The following PARD3B variants were observed in gnomAD, a reference collection of about 807,000 sequenced individuals.
PARD3B encodes the protein partitioning defective 3 homolog B.
PARD3B carries 103 observed loss-of-function variants against 130.2 expected under a neutral mutation model. The observed-to-expected ratio is 0.79, with a 90% CI of 0.67 to 0.93. The LOEUF is 0.93. Among genes scored for constraint, PARD3B ranks in the 40% least tolerant of loss-of-function variants. The pLI, the probability that PARD3B is intolerant of heterozygous loss-of-function variation, is 0.00. For synonymous variants in PARD3B, 583 were observed against 553.2 expected (o/e 1.05, Z -0.76); for missense variants, 1,609 against 1,499.2 (o/e 1.07, Z -1.21).
chr2:204,860,182 A>C (rs2045124518), intron 2 of PARD3B, among the ~76,000 whole-genome samples: 1 of 152,228 alleles, frequency 6.6e-6, no homozygotes, highest in African/African-American at 2.4e-5. Context: ...GACTGATTAT[A>C]TTAACATTCT....
rs2042485117 is a variant in PARD3B at position 204,799,394 on chromosome 2, G to C, written c.222+113112G>C. ...TAGATTCCTAAGGTTTCTGACTCCA[G>C]GTGCTGGCTTCTGGACAGCATTCCT... On this transcript the variant is annotated intron_variant, in intron 2 of 22. Coordinates refer to ENST00000406610, the MANE Select transcript of PARD3B (RefSeq NM_001302769.2). This position sits in a 1 kb window ranked among gnomAD's most constrained non-coding sequence, Gnocchi z 4.1. Among the ~76,000 whole-genome samples the C allele has an allele frequency of 6.6e-6, 1 of 152,192 alleles. No individual in the cohort carries two copies. Among genetic ancestry groups the C allele is most frequent in the South Asian group, 2.1e-4 (1 of 4,822 alleles).
rs544726367 is a variant in PARD3B, at chr2:205,143,942, A to C, written c.1435-14780A>C. Among the ~76,000 whole-genome samples the C allele has an allele frequency of 5.9e-5, 9 of 152,334 alleles. No individual in the cohort carries two copies. In the South Asian group the frequency reaches 1.9e-3, roughly 32 times the overall value. ...CTATAATATATCATTAACCCTTGAT[A>C]GGTCCCATGTGTTCCACCCTCCTCC... On this transcript the variant is annotated intron_variant, in intron 10 of 22. Coordinates refer to ENST00000406610, the MANE Select transcript of PARD3B (RefSeq NM_001302769.2).
At chr2:204,652,895 TAC>T (rs1172121387) in intron 1 of PARD3B, among the ~76,000 whole-genome samples, 18 of 151,052 alleles carry the variant, frequency 1.2e-4, no homozygotes, top group African/African-American at 3.7e-4. Context: ...GGGGAAGTGC[TAC>T]ACAGTTTCGA....
chr2:205,144,579 G>A (rs1309067572), intron 10 of PARD3B, among the ~76,000 whole-genome samples: 1 of 152,134 alleles, frequency 6.6e-6, no homozygotes, highest in African/African-American at 2.4e-5. Context: ...TTTATAGTCA[G>A]TTGTATCTGA....
rs954224323 is a variant in PARD3B, at chr2:204,887,822, G to T, written c.223-77330G>T. On this transcript the variant is annotated intron_variant, in intron 2 of 22. Coordinates refer to ENST00000406610, the MANE Select transcript of PARD3B (RefSeq NM_001302769.2). This position sits in a 1 kb window ranked among gnomAD's most constrained non-coding sequence, Gnocchi z 4.2. ...TACCAGAGGCATACGACCAGACAGT[G>T]CATGGTGCAATGCCAGAAGTTGACA... 1.1e-4 allele frequency among the ~76,000 whole-genome samples: 16 copies of T among 152,280 alleles called. No individual in the cohort carries two copies. The highest frequency in any genetic ancestry group is 1.6e-4 in the Non-Finnish European group (11 of 68,026).
intron 2 of PARD3B, among the ~76,000 whole-genome samples, chr2:204,817,190 G>A (rs1297584607): frequency 1.3e-5 from 2 of 151,012 alleles, no homozygotes; most frequent in Non-Finnish European, 2.9e-5. Context: ...TTCTGCGTCA[G>A]TTTTGATTGA....
At chr2:205,444,542 T>G (rs1322325391) in intron 20 of PARD3B, among the ~76,000 whole-genome samples, 2 of 152,138 alleles carry the variant, frequency 1.3e-5, no homozygotes, top group African/African-American at 4.8e-5. Context: ...AAGTGTGTAG[T>G]GGGTTTTGAT....
At chr2:205,552,962 C>G (rs1374133609) in intron 21 of PARD3B, among the ~76,000 whole-genome samples, 1 of 152,086 alleles carries the variant, frequency 6.6e-6, no homozygotes, top group Admixed American at 6.5e-5. Context: ...AGTCTCTATA[C>G]TACCTGTTCA....
intron 19 of PARD3B, among the ~76,000 whole-genome samples, chr2:205,403,949 A>G (rs1421562714): frequency 4.8e-5 from 2 of 41,748 alleles, no homozygotes; most frequent in Non-Finnish European, 3.1e-4. Flanking sequence ...GCCAGTGCTC[A>G]CTCAATTAAG....
chr2:204,756,106 A>C (rs969455345), intron 2 of PARD3B, among the ~76,000 whole-genome samples: 2 of 152,158 alleles, frequency 1.3e-5, no homozygotes, highest in Non-Finnish European at 2.9e-5. Flanking sequence ...ATGGAATTGC[A>C]GTCATTGAGT....
At chr2:204,549,285 C>T (rs1013585798) in intron 1 of PARD3B, among the ~76,000 whole-genome samples, 2 of 152,108 alleles carry the variant, frequency 1.3e-5, no homozygotes, top group Non-Finnish European at 1.5e-5. Flanking sequence ...TGCTTATCTC[C>T]GAATCCTGAC....
At chr2:205,561,645 T>C (rs553644413) in intron 22 of PARD3B, among the ~76,000 whole-genome samples, 2 of 152,298 alleles carry the variant, frequency 1.3e-5, no homozygotes, top group South Asian at 4.1e-4. Context: ...ATAGACACTG[T>C]GAATCATGGC....
chr2:204,853,476 C>T (rs2044791468), intron 2 of PARD3B, among the ~76,000 whole-genome samples: 1 of 152,114 alleles, frequency 6.6e-6, no homozygotes, highest in Non-Finnish European at 1.5e-5. Context: ...CTGCAATAAT[C>T]ATTTGGTCTT....
At chr2:204,983,005 CT>C in intron 3 of PARD3B, among the ~76,000 whole-genome samples, 1 of 152,152 alleles carries the variant, frequency 6.6e-6, no homozygotes, top group South Asian at 2.1e-4. Flanking sequence ...AATTGGAGTG[CT>C]TTTTGTCTTG....
At chr2:204,833,525 A>G (rs2043909364) in intron 2 of PARD3B, among the ~76,000 whole-genome samples, 1 of 152,042 alleles carries the variant, frequency 6.6e-6, no homozygotes, top group African/African-American at 2.4e-5. Context: ...AGCTCCCACA[A>G]TTCCCATGTT....
At chr2:204,702,562 T>C (rs1187229499) in intron 2 of PARD3B, among the ~76,000 whole-genome samples, 4 of 152,088 alleles carry the variant, frequency 2.6e-5, no homozygotes, top group African/African-American at 9.7e-5. Context: ...TTCGTGTCTT[T>C]TGCCTATTTT....
intron 1 of PARD3B, among the ~76,000 whole-genome samples, chr2:204,599,536 TTAA>T (rs2033425545): frequency 1.3e-5 from 2 of 152,056 alleles, no homozygotes; most frequent in Non-Finnish European, 2.9e-5. Context: ...TTTTTATGGC[TTAA>T]TAATATTCCA....
intron 11 of PARD3B, among the ~76,000 whole-genome samples, chr2:205,162,392 A>G (rs557609931): frequency 1.3e-5 from 2 of 152,342 alleles, no homozygotes; most frequent in African/African-American, 4.8e-5. Flanking sequence ...ACTTGTAGCT[A>G]TGCCTCTTAG....
At chr2:205,308,154 A>G (rs1301486665) in intron 18 of PARD3B, among the ~76,000 whole-genome samples, 1 of 152,236 alleles carries the variant, frequency 6.6e-6, no homozygotes, top group African/African-American at 2.4e-5. Context: ...GTAATCAATA[A>G]TTAAACTTAT....
Sources: allele counts gnomAD v4.1 joint callset (sites outside exome capture counted in the v4.1 genomes callset), GRCh38; gene constraint gnomAD v4.1.1; non-coding constraint Gnocchi (gnomAD v3.1); transcripts MANE v1.5; gene names NCBI Gene and HGNC (gene_info 2026-07-23, HGNC 2026-07-21).